Variants in PLEKHG2 observed in about 807,000 individuals in gnomAD.
PLEKHG2 encodes the protein pleckstrin homology domain-containing family G member 2.
A neutral mutation model predicts 104.4 loss-of-function variants in PLEKHG2; 71 were observed. The ratio of observed to expected loss-of-function variants is 0.68; its 90% CI spans 0.56 to 0.83. The LOEUF (loss-of-function observed/expected upper bound fraction) is 0.83, where lower values mean the gene tolerates loss of function less well. Among genes scored for constraint, PLEKHG2 ranks in the 40% least tolerant of loss-of-function variants. The probability of loss-of-function intolerance (pLI) is 0.00; values close to 1 mark genes in which losing one functional copy is unlikely to be tolerated. For missense variants in PLEKHG2, 1,730 were observed against 1,809.4 expected, an observed-to-expected ratio of 0.96 and a Z score of 0.80; for synonymous variants, 728 against 737.0, an observed-to-expected ratio of 0.99 and a Z score of 0.20.
chr19:39,418,626 C>T (rs1221704947), intron 9 of PLEKHG2, 108 bp from the exon 10 acceptor site: 72 of 799,378 alleles, frequency 9.0e-5, no homozygotes, highest in South Asian at 8.4e-5. Flanking sequence ...TTATGGGATG[C>T]ATCTTCCTAG....
rs62119733 is a variant in PLEKHG2, at chr19:39,417,212, G to T, written c.744+212G>T. Among the ~76,000 whole-genome samples the T allele has an allele frequency of 1.4e-3, 205 of 151,664 alleles. 1 individual carries two copies. The highest frequency in any genetic ancestry group is 6.8e-3 in the Middle Eastern group (2 of 292). ...TTGTCGATGAGGCTGGAGTACAGTGGTGCGATCTTGGCTCACTGCAACCTC... is the reference window on the plus strand; with the variant it reads ...TTGTCGATGAGGCTGGAGTACAGTGTTGCGATCTTGGCTCACTGCAACCTC... On this transcript the variant is annotated intron_variant, in intron 7 of 18. Coordinates refer to ENST00000425673, the MANE Select transcript of PLEKHG2 (RefSeq NM_022835.3).
Position 39,424,715 on chromosome 19 carries a change from C to CA in PLEKHG2, c.3583dup (p.Thr1195AsnfsTer22). On this transcript the variant is annotated frameshift_variant, in exon 19 of 19. Coordinates refer to ENST00000425673, the MANE Select transcript of PLEKHG2 (RefSeq NM_022835.3). LOFTEE classifies it low-confidence loss of function (END_TRUNC). ...TTACAGATACACAGGTCCAAAAACT[C>CA]ACACCTTCGTTGGAGCAGAAGAGCC... The CA allele has an allele frequency of 6.2e-7, 1 of 1,614,212 alleles. No individual in the cohort carries two copies. The highest frequency in any genetic ancestry group is 1.1e-5 in the South Asian group (1 of 91,084).
chr19:39,423,919 G>T lies in PLEKHG2; in HGVS notation c.2786G>T (p.Gly929Val). The stretch of plus-strand genomic sequence containing the variant: ...AATTTGCCTAAGCAAGACCTTCCGG[G>T]CATCCACGTTTCAGCTGCTACCCTT... The part of the protein sequence containing the change: ...VSNLPKQDLP[G>V]IHVSAATLLP... Residue 929 changes from glycine to valine, a missense_variant, in exon 19 of 19, where the codon GGC becomes GTC. Transcript: ENST00000425673. 1.2e-6 allele frequency: 2 copies of T among 1,614,182 alleles called. No homozygotes were observed. The highest frequency in any genetic ancestry group is 1.7e-6 in the Non-Finnish European group (2 of 1,180,002).
At position 39,420,255 on chromosome 19, in the gene PLEKHG2, A is replaced by G. The variant is rs189777171; in HGVS notation, c.1264-371A>G. ...GCACCTGTAATCCCAGCAACTCAAGAGGCTGAGGCAGGAGAATCGCTTGAA... is the reference window on the plus strand; with the variant it reads ...GCACCTGTAATCCCAGCAACTCAAGGGGCTGAGGCAGGAGAATCGCTTGAA... On this transcript the variant is annotated intron_variant, in intron 11 of 18. Transcript: ENST00000425673. Among the ~76,000 whole-genome samples, 56 of 151,952 alleles carry G rather than the reference A, an allele frequency of 3.7e-4. 1 individual carries two copies. The highest frequency in any genetic ancestry group is 2.6e-4 in the Admixed American group (4 of 15,240).
rs376225835 is a variant in PLEKHG2 at position 39,423,728 on chromosome 19, T to C, written c.2600-5T>C. On this transcript the variant is annotated splice_region_variant and splice_polypyrimidine_tract_variant and intron_variant, in intron 18 of 18. Transcript: ENST00000425673. ...GTCCTGACTCGATCCTCTTTTCGCATTCAGGGCTCCTGCCTGCCTTTGGAC... is the reference window on the plus strand; with the variant it reads ...GTCCTGACTCGATCCTCTTTTCGCACTCAGGGCTCCTGCCTGCCTTTGGAC... 22 of 1,605,762 alleles carry C rather than the reference T, an allele frequency of 1.4e-5. No individual in the cohort carries two copies. Among genetic ancestry groups the C allele is most frequent in the Non-Finnish European group, 1.5e-5 (18 of 1,174,666 alleles).
At chr19:39,414,565 A>G (rs2078571292) in intron 2 of PLEKHG2, among the ~76,000 whole-genome samples, 1 of 152,196 alleles carries the variant, frequency 6.6e-6, no homozygotes, top group East Asian at 1.9e-4. Context: ...AAGTGACTGA[A>G]AGAAGTTGAG....
chr19:39,420,002 G>A (rs917561750), intron 11 of PLEKHG2, among the ~76,000 whole-genome samples: 5 of 152,146 alleles, frequency 3.3e-5, no homozygotes, highest in Admixed American at 1.3e-4. Context: ...GCGGTGAGCC[G>A]AGATCATGCC....
chr19:39,414,330 C>A, intron 2 of PLEKHG2, 135 bp downstream of exon 2: 1 of 904,904 alleles, frequency 1.1e-6, no homozygotes, highest in Non-Finnish European at 1.7e-6. Context: ...CGGGCCCATC[C>A]CCAGGCAATG....
At position 39,423,534 on chromosome 19, in the gene PLEKHG2, G is replaced by A. The variant is rs374823888; in HGVS notation, c.2480G>A (p.Arg827Gln). ...VRELARLYSERIQQMQRAETR... is the reference protein window; with the variant it reads ...VRELARLYSEQIQQMQRAETR... ...GAGCTGGCCCGGCTTTACAGCGAGC[G>A]GATCCAGCAGATGCAGCGGGCGGAG... The change falls in exon 18 of 19, where the codon CGG becomes CAG. Residue 827 changes from arginine to glutamine, a missense_variant. Transcript: ENST00000425673. 2.3e-5 allele frequency: 36 copies of A among 1,557,320 alleles called. No homozygotes were observed. The highest frequency in any genetic ancestry group is 5.5e-5 in the African/African-American group (4 of 73,292).
intron 11 of PLEKHG2, among the ~76,000 whole-genome samples, chr19:39,420,422 G>A (rs1399397653): frequency 6.6e-6 from 1 of 152,146 alleles, no homozygotes; most frequent in African/African-American, 2.4e-5. Flanking sequence ...CTACTCAGGA[G>A]GGTGAGGTGG....
chr19:39,418,238 G>T, intron 9 of PLEKHG2, 133 bp downstream of exon 9: 1 of 803,862 alleles, frequency 1.2e-6, no homozygotes, highest in Non-Finnish European at 1.7e-6. Context: ...GAAGCCAAGG[G>T]AAGCTTTCTT....
rs769080938 is a variant in PLEKHG2, at chr19:39,416,556, G to A, written c.552G>A (p.Glu184=). The A allele has an allele frequency of 1.9e-6, 3 of 1,613,930 alleles. No individual in the cohort carries two copies. The highest frequency in any genetic ancestry group is 2.5e-6 in the Non-Finnish European group (3 of 1,179,984). The change falls in exon 6 of 19, where the codon GAG becomes GAA. Residue 184 remains glutamate, a synonymous_variant. Transcript: ENST00000425673. The surrounding 1 kb of genome is among the most constrained non-coding windows in gnomAD (Gnocchi z 4.5). ...GACTCCCATGTCACCCGCAGAGCGA[G>A]GATTTTGACATCTACACATTGTACT... ...GIAECFVQRS[E]DFDIYTLYCM... is the part of the protein sequence containing the mutation.
chr19:39,420,100 C>T (rs1460070220), intron 11 of PLEKHG2, among the ~76,000 whole-genome samples: 1 of 152,028 alleles, frequency 6.6e-6, no homozygotes, highest in Non-Finnish European at 1.5e-5. Flanking sequence ...TGGTTCACGC[C>T]TGTAATCCCA....
rs1414860979 is a variant in PLEKHG2 at position 39,416,389 on chromosome 19, G to T, written c.521G>T (p.Gly174Val). 2 of 1,613,234 alleles carry T rather than the reference G, an allele frequency of 1.2e-6. No individual in the cohort carries two copies. The highest frequency in any genetic ancestry group is 2.2e-5 in the East Asian group (1 of 44,846). ...TTGGAGAACAGCAGCAGCGCCGGGG[G>T]TATTGCCGAGTGCTTCGTGCAGAGG... ...EDLENSSSAG[G>V]IAECFVQRSE... Residue 174 changes from glycine to valine, a missense_variant, in exon 5 of 19, where the codon GGT becomes GTT. Transcript: ENST00000425673. This position sits in a 1 kb window ranked among gnomAD's most constrained non-coding sequence, Gnocchi z 4.5.
rs2078767411 is a variant in PLEKHG2 at position 39,425,235 on chromosome 19, C to G, written c.4102C>G (p.Gln1368Glu). The stretch of plus-strand genomic sequence containing the variant: ...CCACCCTGCTCTCTTGGCCTCCACA[C>G]AGGAATCTATGGGCCTTCACAGGGC... The part of the protein sequence containing the change: ...LNHPALLAST[Q>E]ESMGLHRAQG... Residue 1368 changes from glutamine (Q) to glutamate (E), a missense_variant, in exon 19 of 19, where the codon CAG becomes GAG. Coordinates refer to ENST00000425673, the MANE Select transcript of PLEKHG2 (RefSeq NM_022835.3). 1 of 1,613,456 alleles carries G rather than the reference C, an allele frequency of 6.2e-7. No homozygotes were observed. Among genetic ancestry groups the G allele is most frequent in the Non-Finnish European group, 8.5e-7 (1 of 1,180,008 alleles).
chr19:39,421,488 C>T (rs2078698709), intron 16 of PLEKHG2, among the ~76,000 whole-genome samples, 189 bp downstream of exon 16: 1 of 151,986 alleles, frequency 6.6e-6, no homozygotes, highest in Non-Finnish European at 1.5e-5. Flanking sequence ...GAGTTTGAGA[C>T]CAGTCTGGGC....
In PLEKHG2 at chr19:39,415,230, CTA is replaced by C; in HGVS notation, c.350_351del (p.Tyr117CysfsTer36). 6.3e-7 allele frequency: 1 copy of C among 1,585,394 alleles called. No individual in the cohort carries two copies. Among genetic ancestry groups the C allele is most frequent in the Non-Finnish European group, 8.6e-7 (1 of 1,165,116 alleles). ...AREIVETERA[Y>X]VRDLRSIVED... ...GGGAGATCGTGGAGACAGAACGGGC[CTA>C]TGTCAGGGACCTCCGCAGCATCGTG... On this transcript the variant is annotated frameshift_variant, in exon 3 of 19. Transcript: ENST00000425673. LOFTEE classifies it high-confidence loss of function. This position sits in a 1 kb window ranked among gnomAD's most constrained non-coding sequence, Gnocchi z 4.6.
At chr19:39,418,650 G>C (rs1341306946) in intron 9 of PLEKHG2, 84 bp from the exon 10 acceptor site, 2 of 1,103,594 alleles carry the variant, frequency 1.8e-6, no homozygotes, top group Non-Finnish European at 2.7e-6. Context: ...GGAGGACCCA[G>C]ATACACCTCC....
In PLEKHG2 at chr19:39,425,114, T is replaced by G. The variant is rs775383819; in HGVS notation, c.3981T>G (p.Pro1327=). 1 of 1,586,290 alleles carries G rather than the reference T, an allele frequency of 6.3e-7. No individual in the cohort carries two copies. Among genetic ancestry groups the G allele is most frequent in the Non-Finnish European group, 8.6e-7 (1 of 1,166,534 alleles). ...SSPPPQPQPP[P]PPARRLSYAT... The stretch of plus-strand genomic sequence containing the variant: ...CGCCCCCCCAGCCCCAGCCACCACC[T>G]CCCCCAGCCAGGCGGCTCAGCTATG... The change falls in exon 19 of 19, where the codon CCT becomes CCG. Residue 1327 remains proline (P), a synonymous_variant. Transcript: ENST00000425673.
Sources: allele counts gnomAD v4.1 joint callset (sites outside exome capture counted in the v4.1 genomes callset), GRCh38; gene constraint gnomAD v4.1.1; non-coding constraint Gnocchi (gnomAD v3.1); transcripts MANE v1.5; gene names NCBI Gene and HGNC (gene_info 2026-07-23, HGNC 2026-07-21).